Variants in NAP1L4 observed in about 807,000 individuals in gnomAD.
NAP1L4 encodes the protein nucleosome assembly protein 1-like 4.
NAP1L4 carries 15 observed loss-of-function variants against 58.2 expected under a neutral mutation model. The ratio of observed to expected loss-of-function variants is 0.26; its 90% CI spans 0.17 to 0.40. The LOEUF (loss-of-function observed/expected upper bound fraction) is 0.40, where lower values mean the gene tolerates loss of function less well. NAP1L4 is among the 10% of genes least tolerant of loss of function. The probability of loss-of-function intolerance (pLI) is 1.00; values close to 1 mark genes in which losing one functional copy is unlikely to be tolerated. For synonymous variants in NAP1L4, 171 were observed against 155.6 expected (o/e 1.10, Z -0.74); for missense variants, 384 against 451.1 (o/e 0.85, Z 1.35).
At chr11:2,977,129 G>C (rs977962612) in intron 3 of NAP1L4, among the ~76,000 whole-genome samples, 1 of 152,176 alleles carries the variant, frequency 6.6e-6, no homozygotes, top group Non-Finnish European at 1.5e-5. Context: ...ATATAAAACT[G>C]TGTACACATG....
chr11:2,971,446 ACAG>A lies in NAP1L4; in HGVS notation c.401_402+1del. ...ATGAGTCACATGTTTCTAAAGACTTACAGCCAATTTCTCTTCCTCTTCATTTTC... is the reference window on the plus strand; with the variant it reads ...ATGAGTCACATGTTTCTAAAGACTTACCAATTTCTCTTCCTCTTCATTTTC... On this transcript the variant is annotated splice_donor_variant and coding_sequence_variant, in exon 6 of 16. Transcript: ENST00000380542. LOFTEE classifies it high-confidence loss of function. The surrounding 1 kb of genome is among the most constrained non-coding windows in gnomAD (Gnocchi z 4.2). 6.2e-7 allele frequency: 1 copy of A among 1,613,250 alleles called. No homozygotes were observed. Among genetic ancestry groups the A allele is most frequent in the South Asian group, 1.1e-5 (1 of 91,056 alleles).
intron 10 of NAP1L4, among the ~76,000 whole-genome samples, chr11:2,956,483 C>A (rs766329188): frequency 1.3e-5 from 2 of 152,238 alleles, no homozygotes; most frequent in South Asian, 2.1e-4. Context: ...TAGTCTCATA[C>A]CTGCCTTTTC....
At chr11:2,979,337 G>A (rs969077037) in intron 1 of NAP1L4, 100 bp from the exon 2 acceptor site, 48 of 966,288 alleles carry the variant, frequency 5.0e-5, no homozygotes, top group Non-Finnish European at 7.6e-5. Context: ...GAGTCCACTA[G>A]AAGGGACAGG....
At position 2,948,529 on chromosome 11, in the gene NAP1L4, T is replaced by C. The variant is rs1224370448; in HGVS notation, c.*32+698A>G. Among the ~76,000 whole-genome samples the C allele has an allele frequency of 6.6e-6, 1 of 152,190 alleles. No individual in the cohort carries two copies. The highest frequency in any genetic ancestry group is 1.5e-5 in the Non-Finnish European group (1 of 68,030). Reference sequence around the variant, plus strand: ...GTCTACTTACGGCCTCCTGTCAGCATTCCAGGACAGGGCAGAGCTACAGGG... The same window carrying C: ...GTCTACTTACGGCCTCCTGTCAGCACTCCAGGACAGGGCAGAGCTACAGGG... On this transcript the variant is annotated intron_variant, in intron 15 of 15. Transcript: ENST00000380542. This position sits in a 1 kb window ranked among gnomAD's most constrained non-coding sequence, Gnocchi z 5.1.
chr11:2,983,750 A>G (rs7929049), intron 1 of NAP1L4: 44,073 of 151,860 alleles, frequency 0.29, 7,215 homozygotes, highest in African/African-American at 0.44. Context: ...TCCTACCCCT[A>G]TCACAGATCA....
intron 7 of NAP1L4, among the ~76,000 whole-genome samples, chr11:2,966,722 T>C (rs936777969): frequency 2.0e-5 from 3 of 152,172 alleles, no homozygotes; most frequent in Non-Finnish European, 4.4e-5. Flanking sequence ...CACAGAAGCA[T>C]GCGCTGGCTC....
At chr11:2,984,118 C>G (rs776596448) in intron 1 of NAP1L4, among the ~76,000 whole-genome samples, 38 of 143,290 alleles carry the variant, frequency 2.7e-4, no homozygotes, top group Non-Finnish European at 4.5e-4. Context: ...AGTGAGCTAT[C>G]ACTGCGCCAC....
intron 1 of NAP1L4, chr11:2,990,926 C>T (rs1848925506): frequency 2.9e-6 from 1 of 346,498 alleles, no homozygotes; most frequent in East Asian, 7.6e-5. Flanking sequence ...GTCCAACAAC[C>T]TAATCTACAT....
chr11:2,946,687 A>C lies in NAP1L4; in HGVS notation c.*33-1041T>G, dbSNP rs1372732159. Among the ~76,000 whole-genome samples, 1 of 152,214 alleles carries C rather than the reference A, an allele frequency of 6.6e-6. No homozygotes were observed. The highest frequency in any genetic ancestry group is 2.4e-5 in the African/African-American group (1 of 41,450). Reference sequence around the variant, plus strand: ...AGGGATGGCCGAAAAAATATGTGTAAAATATGCAAAAAACAAAATCAATAA... The same window carrying C: ...AGGGATGGCCGAAAAAATATGTGTACAATATGCAAAAAACAAAATCAATAA... On this transcript the variant is annotated intron_variant, in intron 15 of 15. Coordinates refer to ENST00000380542, the MANE Select transcript of NAP1L4 (RefSeq NM_005969.4). This position sits in a 1 kb window ranked among gnomAD's most constrained non-coding sequence, Gnocchi z 4.8.
At chr11:2,981,246 GAA>G (rs575900452) in intron 1 of NAP1L4, among the ~76,000 whole-genome samples, 1 of 136,342 alleles carries the variant, frequency 7.3e-6, no homozygotes, top group Admixed American at 7.4e-5. Context: ...AAAACAAAAA[GAA>G]AAAAAAAAAA....
At chr11:2,963,305 G>A (rs546820159) in intron 8 of NAP1L4, among the ~76,000 whole-genome samples, 8 of 152,082 alleles carry the variant, frequency 5.3e-5, no homozygotes, top group Non-Finnish European at 1.0e-4. Flanking sequence ...GCACACCAAC[G>A]AGGGCAAACT....
In NAP1L4 at chr11:2,949,342, G is replaced by A. The variant is rs1298380986; in HGVS notation, c.1123-78C>T. On this transcript the variant is annotated intron_variant, in intron 14 of 15. Coordinates refer to ENST00000380542, the MANE Select transcript of NAP1L4 (RefSeq NM_005969.4). This position sits in a 1 kb window ranked among gnomAD's most constrained non-coding sequence, Gnocchi z 4.0. ...GCACAAAATTATACAGGAGGAAACG[G>A]CCACAATTTCTCATGATACAAAAGG... The A allele has an allele frequency of 8.2e-7, 1 of 1,216,120 alleles. No homozygotes were observed. The highest frequency in any genetic ancestry group is 1.2e-6 in the Non-Finnish European group (1 of 820,292). 75.3% of individuals were successfully genotyped at this position (1,216,120 alleles called of 1,614,324 possible).
At chr11:2,953,727 G>T (rs1287335011) in intron 12 of NAP1L4, among the ~76,000 whole-genome samples, 5 of 152,248 alleles carry the variant, frequency 3.3e-5, no homozygotes, top group African/African-American at 1.2e-4. Context: ...GGTGTGAGGA[G>T]ATGTTGGCCT....
chr11:2,981,101 G>A (rs1026757686), intron 1 of NAP1L4, among the ~76,000 whole-genome samples: 1 of 151,908 alleles, frequency 6.6e-6, no homozygotes, highest in Admixed American at 6.6e-5. Flanking sequence ...AGCCAGGCGT[G>A]CTGGTGTGAA....
chr11:2,954,702 TCAC>T lies in NAP1L4; in HGVS notation c.916-59_916-57del. 1 of 1,609,636 alleles carries T rather than the reference TCAC, an allele frequency of 6.2e-7. No homozygotes were observed. Among genetic ancestry groups the T allele is most frequent in the Non-Finnish European group, 8.5e-7 (1 of 1,176,924 alleles). On this transcript the variant is annotated intron_variant, in intron 11 of 15. Transcript: ENST00000380542. This position sits in a 1 kb window ranked among gnomAD's most constrained non-coding sequence, Gnocchi z 4.8. ...TTTTAATGGGATAAAAACATTCACT[TCAC>T]CACCCTCAGCCAAACCTCAGCCCCT...
At chr11:2,981,246 GA>G (rs575900452) in intron 1 of NAP1L4, among the ~76,000 whole-genome samples, 132 of 136,278 alleles carry the variant, frequency 9.7e-4, no homozygotes, top group Middle Eastern at 7.5e-3. Flanking sequence ...AAAACAAAAA[GA>G]AAAAAAAAAA....
At chr11:2,988,498 G>T (rs1258829768) in intron 1 of NAP1L4, among the ~76,000 whole-genome samples, 2 of 152,220 alleles carry the variant, frequency 1.3e-5, no homozygotes, top group Non-Finnish European at 2.9e-5. Flanking sequence ...CTAGAACTGT[G>T]CCCAGTACAT....
At chr11:2,963,892 TC>T (rs1456756512) in intron 8 of NAP1L4, 1 of 519,230 alleles carries the variant, frequency 1.9e-6, no homozygotes, top group Non-Finnish European at 3.8e-6. Flanking sequence ...CGAACAGTGC[TC>T]CCTGGGAGAA....
At chr11:2,974,318 C>T (rs1284337783) in intron 4 of NAP1L4, among the ~76,000 whole-genome samples, 1 of 152,152 alleles carries the variant, frequency 6.6e-6, no homozygotes, top group African/African-American at 2.4e-5. Flanking sequence ...CCAACTACAC[C>T]CAGCCCTCTG....
Sources: gnomAD v4.1 joint callset for allele counts (sites outside exome capture counted in the v4.1 genomes callset) on GRCh38, gnomAD v4.1.1 for gene constraint, Gnocchi (gnomAD v3.1) non-coding constraint, MANE v1.5 for transcripts, NCBI Gene and HGNC (gene_info 2026-07-23, HGNC 2026-07-21) for gene names.